Variants in MARCHF1 observed in about 807,000 individuals in gnomAD.
The protein encoded by MARCHF1 is E3 ubiquitin-protein ligase MARCHF1.
A neutral mutation model predicts 54.2 loss-of-function variants in MARCHF1; 40 were observed. That is an observed-to-expected ratio of 0.74 (90% CI 0.57 to 0.96). The LOEUF is 0.96. Among genes scored for constraint, MARCHF1 ranks in the 40% least tolerant of loss-of-function variants. The probability of loss-of-function intolerance (pLI) is 0.00; values close to 1 mark genes in which losing one functional copy is unlikely to be tolerated. For missense variants in MARCHF1, 586 were observed against 656.5 expected, an observed-to-expected ratio of 0.89 and a Z score of 1.17; for synonymous variants, 236 against 236.3, an observed-to-expected ratio of 1.00 and a Z score of 0.01.
In MARCHF1 at chr4:164,081,220, A is replaced by AC. The variant is rs1560895054; in HGVS notation, c.-248+30367_-248+30368insG. ...CAGACGCTGTCTCAAAAAAAAAAAA[A>AC]AAAAAAAAAAAAAAAAAGAAATATT... On this transcript the variant is annotated intron_variant, in intron 2 of 9. Transcript: ENST00000514618. Among the ~76,000 whole-genome samples the AC allele has an allele frequency of 5.0e-5, 7 of 141,226 alleles. 1 individual carries two copies. The highest frequency in any genetic ancestry group is 1.9e-4 in the African/African-American group (7 of 36,242). 92.6% of individuals were successfully genotyped at this position (141,226 alleles called of 152,430 possible). A position where few individuals can be genotyped will look rare whatever the true frequency, so the allele number is the denominator to read the frequency against.
At chr4:163,967,933 T>G (rs1195267352) in intron 3 of MARCHF1, among the ~76,000 whole-genome samples, 1 of 152,178 alleles carries the variant, frequency 6.6e-6, no homozygotes, top group African/African-American at 2.4e-5. Flanking sequence ...ACCCACATTA[T>G]GAGTGCAATC....
At chr4:163,748,062 G>T (rs191641841) in intron 4 of MARCHF1, among the ~76,000 whole-genome samples, 318 of 152,282 alleles carry the variant, frequency 2.1e-3, no homozygotes, top group Non-Finnish European at 3.5e-3. Flanking sequence ...GTGCCTGGAT[G>T]GTCAAAGGTC....
intron 2 of MARCHF1, among the ~76,000 whole-genome samples, chr4:164,007,105 G>C (rs1017420881): frequency 2.0e-5 from 3 of 149,316 alleles, no homozygotes; most frequent in African/African-American, 7.4e-5. Flanking sequence ...TTGGGACTTT[G>C]GGAGGCCGAG....
chr4:163,730,477 A>G (rs1326535638), intron 4 of MARCHF1, among the ~76,000 whole-genome samples: 2 of 152,026 alleles, frequency 1.3e-5, no homozygotes, highest in Non-Finnish European at 2.9e-5. Flanking sequence ...TGTTTTGTTG[A>G]AAAGCGGACA....
chr4:163,698,503 T>C (rs1744703740), intron 5 of MARCHF1, among the ~76,000 whole-genome samples: 2 of 152,218 alleles, frequency 1.3e-5, no homozygotes. Context: ...GGTTGAGTGT[T>C]TGTGGTACAA....
chr4:163,812,091 C>T (rs919327995), intron 4 of MARCHF1, among the ~76,000 whole-genome samples: 2 of 151,846 alleles, frequency 1.3e-5, no homozygotes, highest in African/African-American at 4.8e-5. Flanking sequence ...CTTTGGTGCT[C>T]CTGGTTCTCA....
chr4:163,644,019 C>T (rs1249302509), intron 5 of MARCHF1, among the ~76,000 whole-genome samples: 1 of 151,544 alleles, frequency 6.6e-6, no homozygotes, highest in African/African-American at 2.4e-5. Context: ...TTCAGTAGTG[C>T]TCTTATAATG....
chr4:164,120,255 A>C (rs1418328628), intron 1 of MARCHF1, among the ~76,000 whole-genome samples: 4 of 152,112 alleles, frequency 2.6e-5, no homozygotes, highest in African/African-American at 4.8e-5. Flanking sequence ...CTATATAATG[A>C]CAAAGTGTCC....
intron 2 of MARCHF1, among the ~76,000 whole-genome samples, chr4:163,990,369 T>A (rs891513747): frequency 6.6e-6 from 1 of 151,892 alleles, no homozygotes; most frequent in South Asian, 2.1e-4. Flanking sequence ...AAAAAAAAAA[T>A]TACAGATGTT....
chr4:163,620,606 C>CACACACACACAGAG (rs1282901525), intron 5 of MARCHF1, among the ~76,000 whole-genome samples: 1 of 56,868 alleles, frequency 1.8e-5, no homozygotes, highest in African/African-American at 4.7e-5. Flanking sequence ...CACACACACA[C>CACACACACACAGAG]AGAGAGAGAG....
At chr4:164,341,101 C>T (rs1053492150) in intron 1 of MARCHF1, among the ~76,000 whole-genome samples, 5 of 151,906 alleles carry the variant, frequency 3.3e-5, no homozygotes, top group South Asian at 4.2e-4. Flanking sequence ...TGACACACCA[C>T]ATTAAAAGAA....
intron 4 of MARCHF1, among the ~76,000 whole-genome samples, chr4:163,722,840 T>C (rs1745520844): frequency 6.6e-6 from 1 of 152,210 alleles, no homozygotes; most frequent in Non-Finnish European, 1.5e-5. Context: ...GAGACTAGGA[T>C]TGCAACCCCT....
rs56805784 is a variant in MARCHF1 at position 163,539,001 on chromosome 4, TTTTATTTATTTATTTA to T, written c.1339+6579_1339+6594del. Reference sequence around the variant, plus strand: ...TGGTGGTTTCGCTCTCTCCTGATGCTTTTATTTATTTATTTATTTATTTATTTATTTATTTTGAGAC... The same window carrying T: ...TGGTGGTTTCGCTCTCTCCTGATGCTTTTATTTATTTATTTATTTTGAGAC... On this transcript the variant is annotated intron_variant, in intron 9 of 9. Coordinates refer to ENST00000514618, the MANE Select transcript of MARCHF1 (RefSeq NM_001394959.1). Among the ~76,000 whole-genome samples, 6 of 149,100 alleles carry T rather than the reference TTTTATTTATTTATTTA, an allele frequency of 4.0e-5. No homozygotes were observed. In the East Asian group the frequency reaches 9.9e-4, roughly 25 times the overall value.
At chr4:163,623,047 A>C (rs190280495) in intron 5 of MARCHF1, among the ~76,000 whole-genome samples, 1 of 152,326 alleles carries the variant, frequency 6.6e-6, no homozygotes, top group African/African-American at 2.4e-5. Context: ...GACTGTCATC[A>C]GGGAGGGCAA....
At chr4:164,003,885 C>A (rs1381650040) in intron 2 of MARCHF1, among the ~76,000 whole-genome samples, 2 of 152,038 alleles carry the variant, frequency 1.3e-5, no homozygotes, top group Non-Finnish European at 2.9e-5. Flanking sequence ...TGGAATCAAC[C>A]CAAATGCCCC....
In MARCHF1 at chr4:163,979,965, T is replaced by C. The variant is rs187960715; in HGVS notation, c.-39+8536A>G. On this transcript the variant is annotated intron_variant, in intron 3 of 9. Transcript: ENST00000514618. ...AGGTTGCGAAAATTTTCTCCCATTTTGTAGGTTGCCTGTTCACTAATGACT... is the reference window on the plus strand; with the variant it reads ...AGGTTGCGAAAATTTTCTCCCATTTCGTAGGTTGCCTGTTCACTAATGACT... Among the ~76,000 whole-genome samples, 26 of 152,296 alleles carry C rather than the reference T, an allele frequency of 1.7e-4. No homozygotes were observed. In the East Asian group the frequency reaches 2.7e-3, roughly 16 times the overall value.
chr4:164,266,125 C>T (rs1309464957), intron 1 of MARCHF1, among the ~76,000 whole-genome samples: 2 of 152,122 alleles, frequency 1.3e-5, no homozygotes, highest in Non-Finnish European at 2.9e-5. Flanking sequence ...GATATTGTCT[C>T]ATTTTTAGAA....
At chr4:163,568,881 A>G (rs565979759) in intron 8 of MARCHF1, among the ~76,000 whole-genome samples, 1 of 152,276 alleles carries the variant, frequency 6.6e-6, no homozygotes, top group Non-Finnish European at 1.5e-5. Flanking sequence ...CAGAAGCCAC[A>G]GTTGTTCAAG....
chr4:163,865,714 C>A (rs559723726), intron 3 of MARCHF1, among the ~76,000 whole-genome samples: 18 of 151,606 alleles, frequency 1.2e-4, no homozygotes, highest in African/African-American at 3.4e-4. Context: ...CACTTAAAAG[C>A]ACAACAGCTG....
Sources: gnomAD v4.1 joint callset for allele counts (sites outside exome capture counted in the v4.1 genomes callset) on GRCh38, gnomAD v4.1.1 for gene constraint, MANE v1.5 for transcripts, NCBI Gene and HGNC (gene_info 2026-07-23, HGNC 2026-07-21) for gene names.